The following ZNRF3 variants were observed in gnomAD, a reference collection of about 807,000 sequenced individuals.
The protein encoded by ZNRF3 is E3 ubiquitin-protein ligase ZNRF3.
In ZNRF3, 23 loss-of-function variants were observed where a neutral mutation model predicts 72.5. That is an observed-to-expected ratio of 0.32 (90% confidence interval 0.23 to 0.45). ZNRF3 has a LOEUF of 0.45. Among genes scored for constraint, ZNRF3 ranks in the 20% least tolerant of loss-of-function variants. The pLI is 1.00. For synonymous variants in ZNRF3, 610 were observed against 545.3 expected (o/e 1.12, Z -1.65); for missense variants, 1,169 against 1,272.1 (o/e 0.92, Z 1.23).
At chr22:28,891,521 T>A (rs1171523478) in intron 1 of ZNRF3, among the ~76,000 whole-genome samples, 1 of 152,266 alleles carries the variant, frequency 6.6e-6, no homozygotes, top group Non-Finnish European at 1.5e-5. Flanking sequence ...CTGGGCACAG[T>A]GCTTTGCTCA....
chr22:28,892,446 C>G (rs1355846832), intron 1 of ZNRF3, among the ~76,000 whole-genome samples: 1 of 152,228 alleles, frequency 6.6e-6, no homozygotes, highest in Admixed American at 6.5e-5. Context: ...CTGGCCTTTT[C>G]CAACTCATTT....
chr22:28,995,991 G>A (rs1429802593), intron 2 of ZNRF3, among the ~76,000 whole-genome samples: 1 of 152,196 alleles, frequency 6.6e-6, no homozygotes, highest in African/African-American at 2.4e-5. Flanking sequence ...GCCCAGGCTG[G>A]TCTTGAACTC....
intron 1 of ZNRF3, among the ~76,000 whole-genome samples, chr22:28,982,433 C>CAAAAAAAAAAAAAAA (rs61589852): frequency 1.3e-5 from 1 of 76,534 alleles, no homozygotes; most frequent in Admixed American, 1.4e-4. Flanking sequence ...CCTGTCTCTA[C>CAAAAAAAAAAAAAAA]AAAAAAAAAA....
chr22:28,918,502 A>G (rs183070755), intron 1 of ZNRF3, among the ~76,000 whole-genome samples: 1 of 148,322 alleles, frequency 6.7e-6, no homozygotes. Flanking sequence ...GTGTGTGTGT[A>G]TGCACACGTG....
At chr22:28,991,495 T>C (rs998901156) in intron 2 of ZNRF3, among the ~76,000 whole-genome samples, 1 of 152,034 alleles carries the variant, frequency 6.6e-6, no homozygotes, top group Non-Finnish European at 1.5e-5. Context: ...GCAGCAGGGC[T>C]AATGCTGCCT....
At chr22:28,918,202 C>A (rs77825078) in intron 1 of ZNRF3, among the ~76,000 whole-genome samples, 6,840 of 152,284 alleles carry the variant, frequency 0.045, 225 homozygotes, top group Non-Finnish European at 0.068. Context: ...GCCAGCCCAG[C>A]GGCCCTTTTA....
At chr22:28,964,114 T>C (rs2035415657) in intron 1 of ZNRF3, among the ~76,000 whole-genome samples, 1 of 152,194 alleles carries the variant, frequency 6.6e-6, no homozygotes, top group Non-Finnish European at 1.5e-5. Flanking sequence ...AATGAGTAGC[T>C]GTCAGATGGA....
intron 1 of ZNRF3, among the ~76,000 whole-genome samples, chr22:28,936,599 G>A (rs1202750847): frequency 6.6e-6 from 1 of 152,084 alleles, no homozygotes; most frequent in African/African-American, 2.4e-5. Flanking sequence ...TAGCTACTTG[G>A]TGGTGGGTGG....
At chr22:29,009,325 A>G (rs906165033) in intron 2 of ZNRF3, among the ~76,000 whole-genome samples, 5 of 152,150 alleles carry the variant, frequency 3.3e-5, no homozygotes, top group Non-Finnish European at 7.3e-5. Flanking sequence ...AAAAAGAGCA[A>G]CTTGACTGGG....
At chr22:28,938,944 T>A (rs2034890858) in intron 1 of ZNRF3, among the ~76,000 whole-genome samples, 1 of 152,162 alleles carries the variant, frequency 6.6e-6, no homozygotes, top group Non-Finnish European at 1.5e-5. Context: ...TGTTTAGCTG[T>A]GTGACTCTAG....
At chr22:28,968,075 A>G (rs774362452) in intron 1 of ZNRF3, among the ~76,000 whole-genome samples, 3 of 152,116 alleles carry the variant, frequency 2.0e-5, no homozygotes, top group Non-Finnish European at 4.4e-5. Flanking sequence ...CACCACTCCA[A>G]CACCCTTCCC....
intron 2 of ZNRF3, among the ~76,000 whole-genome samples, chr22:29,038,401 A>G (rs1354912841): frequency 6.6e-6 from 1 of 151,826 alleles, no homozygotes; most frequent in Admixed American, 6.6e-5. Context: ...CAGTGGCACA[A>G]TCATGGCTCA....
intron 1 of ZNRF3, among the ~76,000 whole-genome samples, chr22:28,920,363 C>G (rs910508802): frequency 6.6e-6 from 1 of 151,792 alleles, no homozygotes; most frequent in Non-Finnish European, 1.5e-5. Context: ...CTCTGCCTCC[C>G]GGGTTCAAAC....
At chr22:28,951,675 T>G (rs1478839911) in intron 1 of ZNRF3, among the ~76,000 whole-genome samples, 1 of 152,236 alleles carries the variant, frequency 6.6e-6, no homozygotes. Context: ...AGCTGACTGC[T>G]GTCTCCCATG....
intron 2 of ZNRF3, chr22:29,025,808 C>T (rs897429105): frequency 9.2e-5 from 14 of 152,246 alleles, no homozygotes; most frequent in African/African-American, 3.4e-4. Flanking sequence ...AGGCATGAGC[C>T]ACCGCGTCCA....
chr22:29,042,353 G>A, intron 2 of ZNRF3, 142 bp from the exon 3 acceptor site: 1 of 621,368 alleles, frequency 1.6e-6, no homozygotes, highest in Non-Finnish European at 2.8e-6. Context: ...TTGAGGATTA[G>A]GAAAGTGAAG....
chr22:28,891,360 A>C (rs1601527966), intron 1 of ZNRF3, among the ~76,000 whole-genome samples: 1 of 152,360 alleles, frequency 6.6e-6, no homozygotes, highest in Non-Finnish European at 1.5e-5. Flanking sequence ...TGTATAATTG[A>C]GGAAAGCCAG....
In ZNRF3 at chr22:28,989,781, A is replaced by G. The variant is rs118170417; in HGVS notation, c.426+2580A>G. ...GACACAGGCTAACCCCCTCCCCACC[A>G]CCCACCCTCTTCACCTACCCGCGTA... On this transcript the variant is annotated intron_variant, in intron 2 of 8. Transcript: ENST00000544604. Among the ~76,000 whole-genome samples, 588 of 152,236 alleles carry G rather than the reference A, an allele frequency of 3.9e-3. 25 individuals are homozygous for G. In the East Asian group the frequency reaches 0.09, roughly 23 times the overall value.
At chr22:28,933,451 G>A (rs752739553) in intron 1 of ZNRF3, among the ~76,000 whole-genome samples, 4 of 152,126 alleles carry the variant, frequency 2.6e-5, no homozygotes, top group African/African-American at 9.7e-5. Flanking sequence ...TCATGATAAC[G>A]ATTAAGGAGT....
Sources: gnomAD v4.1 joint callset for allele counts (sites outside exome capture counted in the v4.1 genomes callset) on GRCh38, gnomAD v4.1.1 for gene constraint, MANE v1.5 for transcripts, NCBI Gene and HGNC (gene_info 2026-07-23, HGNC 2026-07-21) for gene names.